The following SMURF2 variants were observed in gnomAD, a reference collection of about 807,000 sequenced individuals.
SMURF2 encodes SMAD specific E3 ubiquitin protein ligase 2.
Under a neutral mutation model 109.6 loss-of-function variants are expected in SMURF2, and 48 were observed. That is an observed-to-expected ratio of 0.44 (90% confidence interval 0.35 to 0.56). The LOEUF is 0.56. Among genes scored for constraint, SMURF2 ranks in the 20% least tolerant of loss-of-function variants. The probability of loss-of-function intolerance (pLI) is 0.01; values close to 1 mark genes in which losing one functional copy is unlikely to be tolerated. For synonymous variants in SMURF2, 288 were observed against 317.1 expected, an observed-to-expected ratio of 0.91 and a Z score of 0.97; for missense variants, 575 against 909.0, an observed-to-expected ratio of 0.63 and a Z score of 4.72.
At chr17:64,643,378 C>A (rs770204238) in intron 1 of SMURF2, among the ~76,000 whole-genome samples, 18 of 152,128 alleles carry the variant, frequency 1.2e-4, no homozygotes, top group Non-Finnish European at 2.2e-4. Context: ...TAAAGTAGTA[C>A]AGGAGAATAA....
At chr17:64,657,884 C>A (rs573605700) in intron 1 of SMURF2, among the ~76,000 whole-genome samples, 2 of 152,168 alleles carry the variant, frequency 1.3e-5, no homozygotes, top group South Asian at 2.1e-4. Flanking sequence ...GACTTTATTA[C>A]GAATACCAAA....
Position 64,661,937 on chromosome 17 carries a change from G to A in SMURF2, c.-57C>T, listed in dbSNP as rs1285802018. ...GGCGGCACGGGGGCGACGGCGAGGC[G>A]CGGCGGAGTCACCACAGCGGCCGGG... On this transcript the variant is annotated 5_prime_UTR_variant, in exon 1 of 19. Transcript: ENST00000262435. 4 of 1,149,844 alleles carry A rather than the reference G, an allele frequency of 3.5e-6. No individual in the cohort carries two copies. Among genetic ancestry groups the A allele is most frequent in the Non-Finnish European group, 4.3e-6 (4 of 935,982 alleles). The allele number at this position is 1,149,844 out of a possible 1,614,324, so 71.2% of individuals were successfully genotyped here.
intron 9 of SMURF2, among the ~76,000 whole-genome samples, chr17:64,576,612 T>C (rs1969494454): frequency 2.0e-5 from 3 of 150,930 alleles, no homozygotes; most frequent in African/African-American, 7.4e-5. Context: ...TGCAGTGAGC[T>C]GACATTGCAC....
intron 12 of SMURF2, chr17:64,560,805 A>C (rs1457241530): frequency 2.0e-5 from 3 of 151,234 alleles, no homozygotes; most frequent in Admixed American, 1.3e-4. Flanking sequence ...TACAAAAAAA[A>C]AAAAACAAAA....
chr17:64,594,081 C>T (rs1969784074), intron 3 of SMURF2: 1 of 152,806 alleles, frequency 6.5e-6, no homozygotes, highest in African/African-American at 2.4e-5. Context: ...GCGAGCAGGA[C>T]TCTTGCAGAT....
intron 1 of SMURF2, among the ~76,000 whole-genome samples, chr17:64,620,442 C>T (rs1157256120): frequency 6.6e-6 from 1 of 152,182 alleles, no homozygotes; most frequent in Non-Finnish European, 1.5e-5. Flanking sequence ...GTCAATGATT[C>T]CTGTTTTCTC....
chr17:64,638,539 C>G (rs1215359647), intron 1 of SMURF2, among the ~76,000 whole-genome samples: 1 of 152,188 alleles, frequency 6.6e-6, no homozygotes, highest in Non-Finnish European at 1.5e-5. Flanking sequence ...TCTTTTAGCA[C>G]AGGAACATCA....
At position 64,637,773 on chromosome 17, in the gene SMURF2, G is replaced by A. The variant is rs558081049; in HGVS notation, c.52+24056C>T. ...GAGACAGGGTTTCACCATGTGGACC[G>A]TGCTGGTCTCAAACTACTGACTTCA... is the stretch of plus-strand genomic sequence containing the variant. On this transcript the variant is annotated intron_variant, in intron 1 of 18. Coordinates refer to ENST00000262435, the MANE Select transcript of SMURF2 (RefSeq NM_022739.4). 5.9e-5 allele frequency among the ~76,000 whole-genome samples: 9 copies of A among 151,724 alleles called. No individual in the cohort carries two copies. The East Asian group carries it at 7.8e-4, about 13-fold the overall frequency.
At chr17:64,645,006 C>CAAA (rs368164529) in intron 1 of SMURF2, among the ~76,000 whole-genome samples, 33 of 131,914 alleles carry the variant, frequency 2.5e-4, no homozygotes, top group Admixed American at 9.1e-4. Context: ...AAGACTGTCT[C>CAAA]AAAAAAAAAA....
rs1555682910 is a variant in SMURF2 at position 64,544,455 on chromosome 17, T to G, written c.*1393A>C. 6.6e-6 allele frequency: 1 copy of G among 152,040 alleles called. No homozygotes were observed. Among genetic ancestry groups the G allele is most frequent in the East Asian group, 1.9e-4 (1 of 5,200 alleles). 9.4% of individuals were successfully genotyped at this position (152,040 alleles called of 1,614,324 possible). A position where few individuals can be genotyped will look rare whatever the true frequency, so the allele number is the denominator to read the frequency against. On this transcript the variant is annotated 3_prime_UTR_variant, in exon 19 of 19. Coordinates refer to ENST00000262435, the MANE Select transcript of SMURF2 (RefSeq NM_022739.4). ...ATTTCACATCAATGTAAAAAAAAAC[T>G]GATAGTACATATTTTTGATGGTTGA...
Position 64,580,940 on chromosome 17 carries a change from A to G in SMURF2, c.621T>C (p.Asp207=). The G allele has an allele frequency of 6.2e-7, 1 of 1,613,778 alleles. No homozygotes were observed. The highest frequency in any genetic ancestry group is 8.5e-7 in the Non-Finnish European group (1 of 1,179,668). The change falls in exon 8 of 19, where the codon GAT becomes GAC. Residue 207 remains aspartate (D), a synonymous_variant. Transcript: ENST00000262435. ...SPGRPLSCFV[D]ENTPISGTNG... ...TTGTTCCACTAATTGGAGTGTTCTCATCAACAAAGCAGCTAAGAGGTCTGC... is the reference window on the plus strand; with the variant it reads ...TTGTTCCACTAATTGGAGTGTTCTCGTCAACAAAGCAGCTAAGAGGTCTGC...
chr17:64,598,555 C>G, intron 2 of SMURF2, 65 bp from the exon 3 acceptor site: 1 of 1,303,490 alleles, frequency 7.7e-7, no homozygotes, highest in South Asian at 1.5e-5. Flanking sequence ...ATTATACAAG[C>G]ATTCCATTTG....
chr17:64,556,854 G>A (rs1310263189), intron 13 of SMURF2, among the ~76,000 whole-genome samples: 1 of 151,928 alleles, frequency 6.6e-6, no homozygotes, highest in Admixed American at 6.6e-5. Context: ...CTTTTATCTT[G>A]TTTTTGTTTC....
At position 64,581,133 on chromosome 17, in the gene SMURF2, A is replaced by T; in HGVS notation, c.570-142T>A. 1.3e-6 allele frequency: 1 copy of T among 740,836 alleles called. No homozygotes were observed. Among genetic ancestry groups the T allele is most frequent in the South Asian group, 1.9e-5 (1 of 53,440 alleles). The allele number at this position is 740,836 out of a possible 1,614,324, so 45.9% of individuals were successfully genotyped here. A position where few individuals can be genotyped will look rare whatever the true frequency, so the allele number is the denominator to read the frequency against. ...CTAATACAAGTATAATGACTTCAAGAACTCTGAGTAAAAGCAAACCTGAAG... is the reference window on the plus strand; with the variant it reads ...CTAATACAAGTATAATGACTTCAAGTACTCTGAGTAAAAGCAAACCTGAAG... On this transcript the variant is annotated intron_variant, in intron 7 of 18. Coordinates refer to ENST00000262435, the MANE Select transcript of SMURF2 (RefSeq NM_022739.4). The surrounding 1 kb of genome is among the most constrained non-coding windows in gnomAD (Gnocchi z 4.3).
At chr17:64,648,234 G>A (rs1970588090) in intron 1 of SMURF2, among the ~76,000 whole-genome samples, 1 of 151,996 alleles carries the variant, frequency 6.6e-6, no homozygotes, top group Non-Finnish European at 1.5e-5. Flanking sequence ...TCCAGCAACA[G>A]ATTTTATTCC....
chr17:64,650,413 A>C (rs182670510), intron 1 of SMURF2, among the ~76,000 whole-genome samples: 20 of 152,156 alleles, frequency 1.3e-4, no homozygotes, highest in African/African-American at 4.8e-4. Flanking sequence ...TTTATAACTA[A>C]AGGCACAAGC....
chr17:64,583,593 C>T (rs1555686790), intron 6 of SMURF2, 49 bp from the exon 7 acceptor site: 1 of 1,419,014 alleles, frequency 7.0e-7, no homozygotes, highest in Non-Finnish European at 1.0e-6. Context: ...AACTTGGACA[C>T]AGTGCAACAA....
chr17:64,591,348 T>TA (rs1969749246), intron 4 of SMURF2, among the ~76,000 whole-genome samples, 199 bp from the exon 5 acceptor site: 1 of 152,204 alleles, frequency 6.6e-6, no homozygotes, highest in Non-Finnish European at 1.5e-5. Context: ...TTAGACCACT[T>TA]TAGTCTGAGT....
intron 9 of SMURF2, among the ~76,000 whole-genome samples, chr17:64,574,744 T>C (rs1330046815): frequency 6.6e-6 from 1 of 152,210 alleles, no homozygotes; most frequent in Non-Finnish European, 1.5e-5. Context: ...ACATGAGATA[T>C]TCTTAAAGCT....
Sources: gnomAD v4.1 joint callset for allele counts (sites outside exome capture counted in the v4.1 genomes callset) on GRCh38, gnomAD v4.1.1 for gene constraint, Gnocchi (gnomAD v3.1) non-coding constraint, MANE v1.5 for transcripts, NCBI Gene and HGNC (gene_info 2026-07-23, HGNC 2026-07-21) for gene names.